C5orf52: variants seen among roughly 807,000 people sequenced by gnomAD.
C5orf52 encodes the protein uncharacterized protein C5orf52.
A neutral mutation model predicts 16.8 loss-of-function variants in C5orf52; 15 were observed. The observed-to-expected ratio is 0.89, with a 90% CI of 0.60 to 1.38. The LOEUF (loss-of-function observed/expected upper bound fraction) is 1.38, where lower values mean the gene tolerates loss of function less well. C5orf52 is among the 40% of genes most tolerant of loss of function. The probability of loss-of-function intolerance (pLI) is 0.00; values close to 1 mark genes in which losing one functional copy is unlikely to be tolerated. For synonymous variants in C5orf52, 83 were observed against 87.2 expected (o/e 0.95, Z 0.27); for missense variants, 206 against 213.1 (o/e 0.97, Z 0.21).
chr5:157,671,935 C>T, intron 1 of C5orf52, 109 bp downstream of exon 1: 1 of 688,140 alleles, frequency 1.5e-6, no homozygotes, highest in Admixed American at 3.6e-5. Context: ...TTTTTCACAC[C>T]CCAGGATAGT....
At chr5:157,674,383 A>G (rs1010548614) in intron 1 of C5orf52, among the ~76,000 whole-genome samples, 3 of 152,076 alleles carry the variant, frequency 2.0e-5, no homozygotes, top group African/African-American at 7.2e-5. Context: ...CACCTCCCAG[A>G]TTCATCCTTC....
chr5:157,671,937 C>A, intron 1 of C5orf52, 111 bp downstream of exon 1: 3 of 681,814 alleles, frequency 4.4e-6, no homozygotes, highest in Non-Finnish European at 7.0e-6. Flanking sequence ...TTTCACACCC[C>A]AGGATAGTCG....
At chr5:157,671,446 C>CCAA, upstream of C5orf52, 1 of 612,874 alleles carries the variant, frequency 1.6e-6, no homozygotes, top group Non-Finnish European at 2.9e-6. Context: ...GCACGCATGT[C>CCAA]CAACAGCCCC....
In C5orf52 at chr5:157,679,951, C is replaced by T. The variant is rs1332497116; in HGVS notation, c.432C>T (p.Ser144=). The change falls in exon 3 of 3, where the codon TCC becomes TCT. Residue 144 remains serine, a synonymous_variant. Coordinates refer to ENST00000409999, the MANE Select transcript of C5orf52 (RefSeq NM_001145132.2). ...AGCTCGGGCGATGGAGAGAGGAATC[C>T]GTGAACAGCAACCGGTACTTAACCT... ...LRKLGRWREE[S]VNSNRYLTFG... 18 of 1,551,662 alleles carry T rather than the reference C, an allele frequency of 1.2e-5. No homozygotes were observed. Among genetic ancestry groups the T allele is most frequent in the Middle Eastern group, 3.3e-4 (2 of 5,992 alleles).
At chr5:157,677,652 C>A (rs1194260377) in intron 2 of C5orf52, among the ~76,000 whole-genome samples, 11 of 93,938 alleles carry the variant, frequency 1.2e-4, no homozygotes, top group African/African-American at 8.4e-4. Context: ...GAAACTCCCT[C>A]TCAAAAAAAA....
At position 157,675,206 on chromosome 5, in the gene C5orf52, G is replaced by C; in HGVS notation, c.321+6G>C. 2 of 1,498,416 alleles carry C rather than the reference G, an allele frequency of 1.3e-6. No homozygotes were observed. Among genetic ancestry groups the C allele is most frequent in the Middle Eastern group, 1.7e-4 (1 of 5,854 alleles). The allele number at this position is 1,498,416 out of a possible 1,614,324, so 92.8% of individuals were successfully genotyped here. A position where few individuals can be genotyped will look rare whatever the true frequency, so the allele number is the denominator to read the frequency against. Reference sequence around the variant, plus strand: ...AACGAATCTATGAGATGGAGGTAAAGTAGCCACAAGCTTTTGCATTAGAGG... The same window carrying C: ...AACGAATCTATGAGATGGAGGTAAACTAGCCACAAGCTTTTGCATTAGAGG... On this transcript the variant is annotated splice_donor_region_variant and intron_variant, in intron 2 of 2. Coordinates refer to ENST00000409999, the MANE Select transcript of C5orf52 (RefSeq NM_001145132.2).
upstream of C5orf52, chr5:157,671,508 G>T (rs576094785): frequency 1.3e-4 from 120 of 910,088 alleles, no homozygotes; most frequent in African/African-American, 1.9e-3. Flanking sequence ...CGCCGCGCTC[G>T]GTTCAGGGCT....
At position 157,680,059 on chromosome 5, in the gene C5orf52, G is replaced by T. The variant is rs1759978040; in HGVS notation, c.*60G>T. 6.7e-7 allele frequency: 1 copy of T among 1,491,352 alleles called. No individual in the cohort carries two copies. The highest frequency in any genetic ancestry group is 2.2e-5 in the Admixed American group (1 of 45,310). The allele number at this position is 1,491,352 out of a possible 1,614,324, so 92.4% of individuals were successfully genotyped here. ...TTCTGGCAAAGGGATCTGCCCCAGG[G>T]TCACGATGACACCAGTGTGACCCGA... On this transcript the variant is annotated 3_prime_UTR_variant, in exon 3 of 3. Coordinates refer to ENST00000409999, the MANE Select transcript of C5orf52 (RefSeq NM_001145132.2).
intron 1 of C5orf52, among the ~76,000 whole-genome samples, chr5:157,672,097 C>A (rs539020826): frequency 3.3e-5 from 5 of 152,338 alleles, no homozygotes; most frequent in South Asian, 4.1e-4. Flanking sequence ...CTGACATTTT[C>A]TCAGAATCGG....
intron 2 of C5orf52, 97 bp from the exon 3 acceptor site, chr5:157,679,744 C>A: frequency 2.5e-6 from 3 of 1,177,418 alleles, no homozygotes; most frequent in Non-Finnish European, 3.5e-6. Context: ...TTTTCCCACT[C>A]CCCCATCAGT....
In C5orf52 at chr5:157,671,727, A is replaced by G; in HGVS notation, c.113A>G (p.Gln38Arg). 1 of 1,551,288 alleles carries G rather than the reference A, an allele frequency of 6.4e-7. No homozygotes were observed. The highest frequency in any genetic ancestry group is 1.7e-4 in the Middle Eastern group (1 of 5,992). The change falls in exon 1 of 3, where the codon CAG becomes CGG. Residue 38 changes from glutamine to arginine, a missense_variant. Coordinates refer to ENST00000409999, the MANE Select transcript of C5orf52 (RefSeq NM_001145132.2). ...SSSATSGSNY[Q>R]RDRLGRRPEI... ...AGCGCCACCTCGGGTTCGAACTACCAGCGCGATAGACTCGGCCGCCGCCCA... is the reference window on the plus strand; with the variant it reads ...AGCGCCACCTCGGGTTCGAACTACCGGCGCGATAGACTCGGCCGCCGCCCA...
In C5orf52 at chr5:157,679,400, G is replaced by T. The variant is rs192106110; in HGVS notation, c.322-441G>T. On this transcript the variant is annotated intron_variant, in intron 2 of 2. Coordinates refer to ENST00000409999, the MANE Select transcript of C5orf52 (RefSeq NM_001145132.2). ...TGTCCAGGCTATAGTGCTGTGGTGC[G>T]GTCTCGGCTTACTGCAGCCTCCACC... Among the ~76,000 whole-genome samples the T allele has an allele frequency of 8.5e-5, 13 of 152,200 alleles. No individual in the cohort carries two copies. The East Asian group carries it at 2.3e-3, about 27-fold the overall frequency.
At chr5:157,675,846 C>T (rs77313547) in intron 2 of C5orf52, among the ~76,000 whole-genome samples, 5,950 of 152,268 alleles carry the variant, frequency 0.039, 152 homozygotes, top group Non-Finnish European at 0.061. Flanking sequence ...TCTTCTCCCA[C>T]TTTTTGCTAT....
intron 2 of C5orf52, among the ~76,000 whole-genome samples, chr5:157,679,059 A>T (rs957155323): frequency 1.3e-4 from 20 of 151,876 alleles, no homozygotes; most frequent in Middle Eastern, 3.4e-3. Context: ...GTGTGAACCC[A>T]GGAGGCAGAG....
Position 157,671,651 on chromosome 5 carries a change from CA to C in C5orf52, c.38del (p.Gln13ArgfsTer38). 1 of 1,551,468 alleles carries C rather than the reference CA, an allele frequency of 6.4e-7. No individual in the cohort carries two copies. The highest frequency in any genetic ancestry group is 8.7e-7 in the Non-Finnish European group (1 of 1,146,894). On this transcript the variant is annotated frameshift_variant, in exon 1 of 3. Transcript: ENST00000409999. LOFTEE classifies it high-confidence loss of function. ...QPTRPSVTCD[Q>X]GSSTIGGTAA... ...GACTAGGCCCTCGGTCACCTGTGAC[CA>C]GGGATCCTCCACGATCGGCGGGACC...
Position 157,671,596 on chromosome 5 carries a change from C to G in C5orf52, c.-19C>G, listed in dbSNP as rs1426411380. 1 of 1,539,760 alleles carries G rather than the reference C, an allele frequency of 6.5e-7. No individual in the cohort carries two copies. The highest frequency in any genetic ancestry group is 8.8e-7 in the Non-Finnish European group (1 of 1,141,334). On this transcript the variant is annotated 5_prime_UTR_variant, in exon 1 of 3. Coordinates refer to ENST00000409999, the MANE Select transcript of C5orf52 (RefSeq NM_001145132.2). ...ACCAGCCACCAGTTTCCAACTCTTT[C>G]TCCAACAGGGAAGCCGCAATGACAC... is the stretch of plus-strand genomic sequence containing the variant.
intron 2 of C5orf52, 30 bp downstream of exon 2, chr5:157,675,230 G>A (rs1427749578): frequency 7.8e-7 from 1 of 1,283,728 alleles, no homozygotes; most frequent in Admixed American, 2.0e-5. Flanking sequence ...TTGCATTAGA[G>A]GGTGTTAGTG....
chr5:157,678,574 A>C (rs1359246614), intron 2 of C5orf52, among the ~76,000 whole-genome samples: 1 of 152,160 alleles, frequency 6.6e-6, no homozygotes, highest in East Asian at 1.9e-4. Flanking sequence ...CTTGTGCCTT[A>C]GCCTCCTGAG....
intron 2 of C5orf52, among the ~76,000 whole-genome samples, chr5:157,676,771 GT>G (rs1470230004): frequency 1.3e-5 from 2 of 152,014 alleles, no homozygotes; most frequent in Non-Finnish European, 2.9e-5. Flanking sequence ...AGTCGCCAAT[GT>G]TTTTGGGGAA....
Sources: gnomAD v4.1 joint callset for allele counts (sites outside exome capture counted in the v4.1 genomes callset) on GRCh38, gnomAD v4.1.1 for gene constraint, MANE v1.5 for transcripts, NCBI Gene and HGNC (gene_info 2026-07-23, HGNC 2026-07-21) for gene names.